The following PALLD variants were observed in gnomAD, a reference collection of about 807,000 sequenced individuals.
PALLD encodes palladin, cytoskeletal associated protein, also known as palladin.
In PALLD, 61 loss-of-function variants were observed where a neutral mutation model predicts 123.5. The ratio of observed to expected loss-of-function variants is 0.49; its 90% CI spans 0.40 to 0.61. PALLD has a LOEUF of 0.61. Ranked by LOEUF, PALLD falls within the 20% of genes least tolerant of loss-of-function variation. PALLD has a pLI of 0.00. For missense variants in PALLD, 1,273 were observed against 1,377.0 expected (o/e 0.92, Z 1.20); for synonymous variants, 465 against 496.4 (o/e 0.94, Z 0.84).
intron 8 of PALLD, among the ~76,000 whole-genome samples, chr4:168,708,584 G>T (rs1784435979): frequency 2.0e-5 from 3 of 152,068 alleles, no homozygotes; most frequent in Non-Finnish European, 4.4e-5. Flanking sequence ...TTCCCCCGTG[G>T]TTAACATTTC....
chr4:168,738,853 T>C (rs1318447584), intron 10 of PALLD, among the ~76,000 whole-genome samples: 1 of 151,948 alleles, frequency 6.6e-6, no homozygotes, highest in African/African-American at 2.4e-5. Context: ...GATGGCAACA[T>C]TAATGAGTAC....
intron 10 of PALLD, among the ~76,000 whole-genome samples, chr4:168,733,691 T>C (rs2150316339): frequency 6.6e-6 from 1 of 152,286 alleles, no homozygotes; most frequent in East Asian, 1.9e-4. Flanking sequence ...CTTAGCCTCC[T>C]GAAGGGCTGG....
In PALLD at chr4:168,641,201, C is replaced by T. The variant is rs1776910841; in HGVS notation, c.909-26989C>T. Among the ~76,000 whole-genome samples the T allele has an allele frequency of 2.1e-5, 3 of 142,222 alleles. No individual in the cohort carries two copies. In the South Asian group the frequency reaches 6.5e-4, roughly 31 times the overall value. 93.3% of individuals were successfully genotyped at this position (142,222 alleles called of 152,430 possible). On this transcript the variant is annotated intron_variant, in intron 2 of 21. Coordinates refer to ENST00000505667, the MANE Select transcript of PALLD (RefSeq NM_001166108.2). ...CCAGCCTGGGCGACAGAGCGAGACT[C>T]CATCTCAAAAAAAAAAAAAAAGAGA...
intron 10 of PALLD, among the ~76,000 whole-genome samples, chr4:168,823,956 A>G (rs1310948680): frequency 6.6e-6 from 1 of 152,254 alleles, no homozygotes; most frequent in African/African-American, 2.4e-5. Context: ...GTGGGCAAAC[A>G]AGGGAACAAT....
At chr4:168,704,381 T>A (rs1374431846) in intron 8 of PALLD, among the ~76,000 whole-genome samples, 1 of 152,160 alleles carries the variant, frequency 6.6e-6, no homozygotes, top group African/African-American at 2.4e-5. Context: ...CTTAAAAAAT[T>A]TGTATGTTGA....
intron 10 of PALLD, among the ~76,000 whole-genome samples, chr4:168,841,968 T>G (rs1746100215): frequency 6.6e-6 from 1 of 152,232 alleles, no homozygotes; most frequent in African/African-American, 2.4e-5. Flanking sequence ...ATGTAGCATT[T>G]ACAGAGTAAT....
At chr4:168,737,277 C>T (rs2150332275) in intron 10 of PALLD, among the ~76,000 whole-genome samples, 1 of 152,276 alleles carries the variant, frequency 6.6e-6, no homozygotes, top group Non-Finnish European at 1.5e-5. Flanking sequence ...CTTGCTATAG[C>T]ACATTTGGGG....
intron 10 of PALLD, among the ~76,000 whole-genome samples, chr4:168,867,566 CT>C (rs1750474850): frequency 6.6e-6 from 1 of 152,162 alleles, no homozygotes; most frequent in Non-Finnish European, 1.5e-5. Flanking sequence ...GATGTCCCCC[CT>C]CCACCTCATT....
chr4:168,586,560 G>T (rs958520218), intron 2 of PALLD, among the ~76,000 whole-genome samples: 2 of 152,128 alleles, frequency 1.3e-5, no homozygotes, highest in Non-Finnish European at 2.9e-5. Flanking sequence ...GAGATTTCTA[G>T]AACTGCCAAG....
chr4:168,528,045 A>G (rs897401222), intron 2 of PALLD, among the ~76,000 whole-genome samples: 4 of 151,928 alleles, frequency 2.6e-5, no homozygotes, highest in African/African-American at 9.7e-5. Context: ...GTTTCCTCAT[A>G]CTCTGACGAT....
chr4:168,916,170 T>C (rs1760044060), intron 17 of PALLD, 143 bp downstream of exon 17: 6 of 847,120 alleles, frequency 7.1e-6, no homozygotes, highest in South Asian at 6.8e-5. Context: ...CCCAGCACTT[T>C]AGAGTCCAAA....
intron 2 of PALLD, among the ~76,000 whole-genome samples, chr4:168,553,445 TTAAAC>T (rs1766951522): frequency 6.6e-6 from 1 of 152,214 alleles, no homozygotes; most frequent in African/African-American, 2.4e-5. Flanking sequence ...CGTAAAATGT[TTAAAC>T]TAGTAAGTGA....
At position 168,905,773 on chromosome 4, in the gene PALLD, G is replaced by A. The variant is rs989878732; in HGVS notation, c.2622+1867G>A. Among the ~76,000 whole-genome samples the A allele has an allele frequency of 2.7e-5, 4 of 149,058 alleles. 1 individual carries two copies. The highest frequency in any genetic ancestry group is 4.2e-4 in the South Asian group (2 of 4,718). The stretch of plus-strand genomic sequence containing the variant: ...TTGATATATATGAAGAAACAAAAGC[G>A]GAACTTGCTTTTTTTTCTTTTTTTT... On this transcript the variant is annotated intron_variant, in intron 15 of 21. Transcript: ENST00000505667.
Position 168,725,522 on chromosome 4 carries a change from CTT to C in PALLD, c.1964+13620_1964+13621del, listed in dbSNP as rs1210834634. ...CAATATATTTTATTCTCTTTAATTT[CTT>C]TTTTTTTTTTTTTTTTTTTTGAGAT... On this transcript the variant is annotated intron_variant, in intron 10 of 21. Coordinates refer to ENST00000505667, the MANE Select transcript of PALLD (RefSeq NM_001166108.2). Among the ~76,000 whole-genome samples, 2,494 of 91,398 alleles carry C rather than the reference CTT, an allele frequency of 0.027. 58 individuals are homozygous for C. In the East Asian group the frequency reaches 0.27, roughly 10 times the overall value. The allele number at this position is 91,398 out of a possible 152,430, so 60.0% of individuals were successfully genotyped here.
rs575893643 is a variant in PALLD, at chr4:168,927,312, T to C, written c.*1132T>C. The C allele has an allele frequency of 3.0e-5, 7 of 232,148 alleles. No individual in the cohort carries two copies. In the South Asian group the frequency reaches 1.3e-3, roughly 42 times the overall value. The allele number at this position is 232,148 out of a possible 1,614,324, so 14.4% of individuals were successfully genotyped here. On this transcript the variant is annotated 3_prime_UTR_variant, in exon 22 of 22. Coordinates refer to ENST00000505667, the MANE Select transcript of PALLD (RefSeq NM_001166108.2). ...AGGTAGCAAAGGCCAGGCTTTTCTT[T>C]GGTTTTCTTCAAACATAGGTGAAAA...
At chr4:168,586,550 G>C (rs1232927330) in intron 2 of PALLD, among the ~76,000 whole-genome samples, 1 of 152,152 alleles carries the variant, frequency 6.6e-6, no homozygotes, top group Non-Finnish European at 1.5e-5. Context: ...GAGATAGCCA[G>C]AGATTTCTAG....
chr4:168,620,513 A>T lies in PALLD; in HGVS notation c.909-47677A>T, dbSNP rs112194363. Among the ~76,000 whole-genome samples the T allele has an allele frequency of 5.9e-3, 899 of 152,312 alleles. 7 individuals are homozygous for T. The highest frequency in any genetic ancestry group is 0.02 in the African/African-American group (830 of 41,562). Reference sequence around the variant, plus strand: ...AAAACCAGGGAACTCAACCAAAAAGATGTCCAAATTATAGTGCTCAGTGAA... The same window carrying T: ...AAAACCAGGGAACTCAACCAAAAAGTTGTCCAAATTATAGTGCTCAGTGAA... On this transcript the variant is annotated intron_variant, in intron 2 of 21. Transcript: ENST00000505667.
intron 10 of PALLD, among the ~76,000 whole-genome samples, chr4:168,731,736 T>C (rs538274889): frequency 5.3e-5 from 8 of 152,320 alleles, no homozygotes; most frequent in African/African-American, 1.7e-4. Context: ...GAAAAAAAGA[T>C]AGAAAAATCA....
Position 168,869,445 on chromosome 4 carries a change from T to C in PALLD, c.1965-21477T>C, listed in dbSNP as rs1250637839. On this transcript the variant is annotated intron_variant, in intron 10 of 21. Transcript: ENST00000505667. This position sits in a 1 kb window ranked among gnomAD's most constrained non-coding sequence, Gnocchi z 4.5. The stretch of plus-strand genomic sequence containing the variant: ...GGAGAGCTTCAAGAAGAAATGGGCA[T>C]TGAAATGGGCACAGAAGGATGAAGA... 6.6e-6 allele frequency among the ~76,000 whole-genome samples: 1 copy of C among 151,844 alleles called. No individual in the cohort carries two copies. The highest frequency in any genetic ancestry group is 1.5e-5 in the Non-Finnish European group (1 of 67,966).
Sources: gnomAD v4.1 joint callset for allele counts (sites outside exome capture counted in the v4.1 genomes callset) on GRCh38, gnomAD v4.1.1 for gene constraint, Gnocchi (gnomAD v3.1) non-coding constraint, MANE v1.5 for transcripts, NCBI Gene and HGNC (gene_info 2026-07-23, HGNC 2026-07-21) for gene names.